Variants in TMEM232 observed in about 807,000 individuals in gnomAD.
The protein encoded by TMEM232 is transmembrane protein 232.
A neutral mutation model predicts 78.8 loss-of-function variants in TMEM232; 80 were observed. The ratio of observed to expected loss-of-function variants is 1.01; its 90% CI spans 0.85 to 1.22. The LOEUF is 1.22. Ranked by LOEUF, TMEM232 falls within the 50% of genes most tolerant of loss-of-function variation. The pLI is 0.00. For missense variants in TMEM232, 881 were observed against 742.2 expected, an observed-to-expected ratio of 1.19 and a Z score of -2.17; for synonymous variants, 297 against 254.3, an observed-to-expected ratio of 1.17 and a Z score of -1.60.
chr5:110,435,637 C>T lies in TMEM232; in HGVS notation c.1704-10721G>A, dbSNP rs542453321. Among the ~76,000 whole-genome samples, 14 of 151,888 alleles carry T rather than the reference C, an allele frequency of 9.2e-5. No individual in the cohort carries two copies. In the South Asian group the frequency reaches 2.9e-3, roughly 32 times the overall value. On this transcript the variant is annotated intron_variant, in intron 12 of 13. Transcript: ENST00000455884. ...CCCTTCACTACCTCTGGTAAACATC[C>T]TTCTATTCTTTATCTCCATGGGTTC...
At chr5:110,571,641 T>C (rs1041012697) in intron 10 of TMEM232, among the ~76,000 whole-genome samples, 1 of 151,764 alleles carries the variant, frequency 6.6e-6, no homozygotes, top group Non-Finnish European at 1.5e-5. Context: ...TTGGGCAAAA[T>C]ACCGAGACCC....
chr5:110,527,946 G>A (rs1480358356), intron 12 of TMEM232, among the ~76,000 whole-genome samples: 1 of 151,852 alleles, frequency 6.6e-6, no homozygotes, highest in East Asian at 1.9e-4. Flanking sequence ...TTATATATCA[G>A]GAGTGATTTT....
At chr5:110,416,459 G>A (rs1213666310), downstream of TMEM232, among the ~76,000 whole-genome samples, 2 of 152,212 alleles carry the variant, frequency 1.3e-5, no homozygotes, top group East Asian at 3.8e-4. Context: ...GAAGAAGCTG[G>A]AGGAGACTAT....
rs140788823 is a variant in TMEM232, at chr5:110,499,627, A to ACC, written c.1703+28959_1703+28960dup. Among the ~76,000 whole-genome samples the ACC allele has an allele frequency of 4.5e-3, 533 of 119,438 alleles. 9 individuals are homozygous for ACC. The highest frequency in any genetic ancestry group is 0.019 in the African/African-American group (419 of 22,094). 78.4% of individuals were successfully genotyped at this position (119,438 alleles called of 152,430 possible). A position where few individuals can be genotyped will look rare whatever the true frequency, so the allele number is the denominator to read the frequency against. On this transcript the variant is annotated intron_variant, in intron 12 of 13. Transcript: ENST00000455884. ...AGAGAGGGGAAAAATATATGTATAC[A>ACC]CCCCCCCCCACACACACACATATAT...
chr5:110,521,758 C>T (rs1769550497), intron 12 of TMEM232, among the ~76,000 whole-genome samples: 1 of 152,080 alleles, frequency 6.6e-6, no homozygotes, highest in African/African-American at 2.4e-5. Flanking sequence ...GGTCAATTGA[C>T]CATTTATTTC....
At chr5:110,733,862 T>C (rs1371784324) in intron 2 of TMEM232, among the ~76,000 whole-genome samples, 5 of 152,180 alleles carry the variant, frequency 3.3e-5, no homozygotes, top group East Asian at 1.9e-4. Context: ...TCAAATGATA[T>C]TAAAATGGTC....
At chr5:110,497,727 G>T (rs894803015) in intron 12 of TMEM232, among the ~76,000 whole-genome samples, 1 of 152,038 alleles carries the variant, frequency 6.6e-6, no homozygotes, top group Non-Finnish European at 1.5e-5. Context: ...CACCTGGCCT[G>T]CTTTACACAC....
At chr5:110,456,521 T>C (rs943475869) in intron 12 of TMEM232, among the ~76,000 whole-genome samples, 1 of 152,142 alleles carries the variant, frequency 6.6e-6, no homozygotes, top group Non-Finnish European at 1.5e-5. Flanking sequence ...TGAAGGATTT[T>C]ATATAGTAAT....
At chr5:110,660,883 A>G (rs1183923862) in intron 2 of TMEM232, among the ~76,000 whole-genome samples, 1 of 152,128 alleles carries the variant, frequency 6.6e-6, no homozygotes, top group African/African-American at 2.4e-5. Flanking sequence ...ATATACAATA[A>G]ATTGTTGTTA....
intron 11 of TMEM232, among the ~76,000 whole-genome samples, chr5:110,533,893 C>A (rs942925848): frequency 2.2e-4 from 33 of 152,298 alleles, no homozygotes; most frequent in Middle Eastern, 6.8e-3. Flanking sequence ...ACTAGCCCGC[C>A]TCTTAGAACC....
chr5:110,644,379 TTATG>T (rs1403275308), intron 2 of TMEM232, among the ~76,000 whole-genome samples: 8 of 151,922 alleles, frequency 5.3e-5, no homozygotes, highest in Non-Finnish European at 1.2e-4. Flanking sequence ...TCATTAGGAA[TTATG>T]TTTTTAAAAA....
At chr5:110,398,449 G>A (rs1755473507) in intron 2 of TMEM232, among the ~76,000 whole-genome samples, 1 of 152,134 alleles carries the variant, frequency 6.6e-6, no homozygotes, top group African/African-American at 2.4e-5. Flanking sequence ...AGTGCTCCAG[G>A]TTTGAGGATA....
chr5:110,590,235 G>A (rs1682095509), intron 10 of TMEM232, among the ~76,000 whole-genome samples: 1 of 152,100 alleles, frequency 6.6e-6, no homozygotes. Context: ...ACAAACCTCA[G>A]AGTGGAAAAT....
At chr5:110,486,937 A>G (rs1317838597) in intron 12 of TMEM232, among the ~76,000 whole-genome samples, 5 of 152,044 alleles carry the variant, frequency 3.3e-5, no homozygotes, top group Admixed American at 2.6e-4. Flanking sequence ...GATTCTACCC[A>G]TTAATGAGCA....
At chr5:110,458,837 T>C (rs1761173501) in intron 12 of TMEM232, among the ~76,000 whole-genome samples, 1 of 152,202 alleles carries the variant, frequency 6.6e-6, no homozygotes, top group Non-Finnish European at 1.5e-5. Context: ...TTTTGCTTGG[T>C]TGGATGCCGT....
At chr5:110,592,281 T>C (rs1310274682) in intron 10 of TMEM232, among the ~76,000 whole-genome samples, 1 of 152,194 alleles carries the variant, frequency 6.6e-6, no homozygotes, top group South Asian at 2.1e-4. Context: ...AATTGCCGAA[T>C]ATATCCTTGG....
intron 12 of TMEM232, among the ~76,000 whole-genome samples, chr5:110,493,311 C>A: frequency 6.7e-6 from 1 of 149,144 alleles, no homozygotes; most frequent in African/African-American, 2.5e-5. Context: ...TCCTTAAAAG[C>A]TATTTCAAGA....
intron 8 of TMEM232, among the ~76,000 whole-genome samples, chr5:110,611,552 G>A (rs1782280943): frequency 6.6e-6 from 1 of 152,100 alleles, no homozygotes; most frequent in Non-Finnish European, 1.5e-5. Context: ...TCTGGCTGTT[G>A]ATTGGCTGGT....
At chr5:110,477,564 CATCA>C (rs1404415206) in intron 12 of TMEM232, among the ~76,000 whole-genome samples, 1 of 151,782 alleles carries the variant, frequency 6.6e-6, no homozygotes, top group Non-Finnish European at 1.5e-5. Flanking sequence ...GCTGTAAATA[CATCA>C]ATCACACCGT....
Sources: gnomAD v4.1 joint callset for allele counts (sites outside exome capture counted in the v4.1 genomes callset) on GRCh38, gnomAD v4.1.1 for gene constraint, MANE v1.5 for transcripts, NCBI Gene and HGNC (gene_info 2026-07-23, HGNC 2026-07-21) for gene names.